Variants in HS6ST2 observed in about 807,000 individuals in gnomAD.
The protein encoded by HS6ST2 is heparan-sulfate 6-O-sulfotransferase 2.
In HS6ST2, 17 loss-of-function variants were observed where a neutral mutation model predicts 33.0. That is an observed-to-expected ratio of 0.52 (90% CI 0.35 to 0.77). The LOEUF is 0.77. Among genes scored for constraint, HS6ST2 ranks in the 30% least tolerant of loss-of-function variants. The pLI is 0.01. For missense variants in HS6ST2, 519 were observed against 551.7 expected, an observed-to-expected ratio of 0.94 and a Z score of 0.59; for synonymous variants, 248 against 237.1, an observed-to-expected ratio of 1.05 and a Z score of -0.42.
intron 3 of HS6ST2, among the ~76,000 whole-genome samples, chrX:132,704,787 C>A (rs1487055873): frequency 1.8e-5 from 2 of 111,808 alleles, no homozygotes; most frequent in East Asian, 5.6e-4. Flanking sequence ...CAGTTTGAAG[C>A]ACTTTGCTAA....
chrX:132,760,698 G>C (rs1412443221), intron 2 of HS6ST2, among the ~76,000 whole-genome samples: 4 of 111,119 alleles, frequency 3.6e-5, no homozygotes, highest in African/African-American at 6.6e-5. Context: ...ACAGGCATGG[G>C]AGAGAATGAG....
intron 4 of HS6ST2, among the ~76,000 whole-genome samples, chrX:132,633,505 C>T (rs1022455135): frequency 6.3e-5 from 7 of 110,542 alleles, no homozygotes; most frequent in East Asian, 2.9e-4. Context: ...AAAAGGGATT[C>T]GGGGGAGAAA....
At chrX:132,918,335 T>C (rs897601071) in intron 2 of HS6ST2, among the ~76,000 whole-genome samples, 2 of 112,077 alleles carry the variant, frequency 1.8e-5, no homozygotes, top group African/African-American at 6.5e-5. Flanking sequence ...TCCCAAACTG[T>C]CCCTTCTGGA....
rs773561994 is a variant in HS6ST2, at chrX:132,669,205, C to A, written c.981-6G>T. ...GAGAACCCCGTTTATCCTTACTATA[C>A]CCACAGAAAGAATAGAAAACATATA... On this transcript the variant is annotated splice_region_variant and splice_polypyrimidine_tract_variant and intron_variant, in intron 3 of 4. Coordinates refer to ENST00000370833, the MANE Select transcript of HS6ST2 (RefSeq NM_001394073.1). 3 of 1,197,776 alleles carry A rather than the reference C, an allele frequency of 2.5e-6. No homozygotes were observed. Among genetic ancestry groups the A allele is most frequent in the South Asian group, 3.6e-5 (2 of 55,043 alleles).
chrX:132,692,199 G>A (rs777316589), intron 3 of HS6ST2, among the ~76,000 whole-genome samples: 11 of 111,153 alleles, frequency 9.9e-5, no homozygotes, highest in Non-Finnish European at 1.5e-4. Context: ...TTTTGCCTAG[G>A]AACAAGGAGC....
chrX:132,911,900 G>T (rs749789662), intron 2 of HS6ST2, among the ~76,000 whole-genome samples: 4 of 111,575 alleles, frequency 3.6e-5, no homozygotes, highest in African/African-American at 9.8e-5. Flanking sequence ...GCCTCCCAAA[G>T]TGCTGGGATT....
At chrX:132,901,282 T>C (rs773437477) in intron 2 of HS6ST2, among the ~76,000 whole-genome samples, 2 of 112,091 alleles carry the variant, frequency 1.8e-5, no homozygotes, top group African/African-American at 3.2e-5. Flanking sequence ...TAAATGTTTG[T>C]TGTTTTAAGC....
chrX:132,891,672 A>G (rs940014141), intron 2 of HS6ST2, among the ~76,000 whole-genome samples: 3 of 110,955 alleles, frequency 2.7e-5, no homozygotes, highest in Admixed American at 9.7e-5. Flanking sequence ...TACTGACAAT[A>G]ATGATTTCCA....
At chrX:132,711,604 C>A (rs974905975) in intron 2 of HS6ST2, among the ~76,000 whole-genome samples, 3 of 111,340 alleles carry the variant, frequency 2.7e-5, no homozygotes, top group African/African-American at 9.8e-5. Flanking sequence ...AGAAGTATAC[C>A]AATCCCTAGT....
At chrX:132,886,328 C>T (rs2066251924) in intron 2 of HS6ST2, among the ~76,000 whole-genome samples, 1 of 111,343 alleles carries the variant, frequency 9.0e-6, no homozygotes. Context: ...GCCCCATCAG[C>T]AGATTCAAGA....
At chrX:132,641,615 G>C (rs1040669635) in intron 4 of HS6ST2, among the ~76,000 whole-genome samples, 4 of 112,959 alleles carry the variant, frequency 3.5e-5, no homozygotes, top group Admixed American at 2.8e-4. Flanking sequence ...TAACCTCTCT[G>C]TGCTTCTACT....
At chrX:132,754,300 GAC>G (rs1243825907) in intron 2 of HS6ST2, among the ~76,000 whole-genome samples, 1 of 111,038 alleles carries the variant, frequency 9.0e-6, no homozygotes, top group Non-Finnish European at 1.9e-5. Flanking sequence ...CATATCCAAA[GAC>G]ACATACAATC....
intron 2 of HS6ST2, among the ~76,000 whole-genome samples, chrX:132,939,396 G>A (rs970930463): frequency 1.4e-4 from 16 of 110,465 alleles, no homozygotes; most frequent in African/African-American, 4.9e-4. Flanking sequence ...AGGCCAAGGC[G>A]GGCAGATGAC....
intron 2 of HS6ST2, among the ~76,000 whole-genome samples, chrX:132,728,377 G>T (rs1363756619): frequency 8.9e-6 from 1 of 112,111 alleles, no homozygotes; most frequent in Admixed American, 9.5e-5. Flanking sequence ...GTGGGCTTTT[G>T]AGTCTGGGCC....
intron 2 of HS6ST2, among the ~76,000 whole-genome samples, chrX:132,869,210 C>G (rs1276018561): frequency 9.0e-6 from 1 of 111,617 alleles, no homozygotes; most frequent in Non-Finnish European, 1.9e-5. Flanking sequence ...GACACATACA[C>G]CCTCCCAAGA....
chrX:132,670,246 C>G (rs1475483282), intron 3 of HS6ST2, among the ~76,000 whole-genome samples: 3 of 112,002 alleles, frequency 2.7e-5, no homozygotes, highest in South Asian at 3.7e-4. Context: ...TGTCAAACAT[C>G]TTTTCAGATA....
At chrX:132,783,819 C>A (rs1218532040) in intron 2 of HS6ST2, among the ~76,000 whole-genome samples, 1 of 111,489 alleles carries the variant, frequency 9.0e-6, no homozygotes, top group Non-Finnish European at 1.9e-5. Flanking sequence ...GAAGATGAGG[C>A]CTTATTTGCT....
chrX:132,837,150 T>C (rs2065651516), intron 2 of HS6ST2, among the ~76,000 whole-genome samples: 1 of 111,958 alleles, frequency 8.9e-6, no homozygotes, highest in African/African-American at 3.2e-5. Context: ...AATTTACTTG[T>C]TACTGCTTCA....
intron 2 of HS6ST2, among the ~76,000 whole-genome samples, chrX:132,927,004 GC>G (rs1257440001): frequency 1.8e-5 from 2 of 110,956 alleles, no homozygotes; most frequent in Non-Finnish European, 3.8e-5. Flanking sequence ...CAGATCCACT[GC>G]CCGTGGGCAT....
Sources: gnomAD v4.1 joint callset for allele counts (sites outside exome capture counted in the v4.1 genomes callset) on GRCh38, gnomAD v4.1.1 for gene constraint, MANE v1.5 for transcripts, NCBI Gene and HGNC (gene_info 2026-07-23, HGNC 2026-07-21) for gene names.